ZFAT: variants seen among roughly 807,000 people sequenced by gnomAD.
The protein encoded by ZFAT is zinc finger and AT-hook domain containing, also known as zinc finger protein ZFAT.
ZFAT carries 64 observed loss-of-function variants against 117.7 expected under a neutral mutation model. That is an observed-to-expected ratio of 0.54 (90% CI 0.44 to 0.67). ZFAT has a LOEUF of 0.67. ZFAT is among the 30% of genes least tolerant of loss of function. The pLI is 0.00. For synonymous variants in ZFAT, 679 were observed against 615.0 expected (o/e 1.10, Z -1.54); for missense variants, 1,433 against 1,584.5 (o/e 0.90, Z 1.62).
At chr8:134,826,773 AC>A in the ZFAT span, among the ~76,000 whole-genome samples, 1 of 152,242 alleles carries the variant, frequency 6.6e-6, no homozygotes, top group African/African-American at 2.4e-5. Flanking sequence ...AATTGCAATA[AC>A]CTTTCTATTT....
In ZFAT at chr8:134,544,875, C is replaced by T. The variant is rs942590704; in HGVS notation, c.2977-11903G>A. The stretch of plus-strand genomic sequence containing the variant: ...ATGCGGCTGCAAACTGGTGCAACCA[C>T]TTTGGAAAACAGCTGAGCATCACCT... On this transcript the variant is annotated intron_variant, in intron 11 of 15. Transcript: ENST00000377838. Among the ~76,000 whole-genome samples, 5 of 152,182 alleles carry T rather than the reference C, an allele frequency of 3.3e-5. 1 individual carries two copies. In the South Asian group the frequency reaches 1.0e-3, roughly 32 times the overall value.
intron 3 of ZFAT, among the ~76,000 whole-genome samples, chr8:134,612,717 T>C (rs1563676206): frequency 2.0e-5 from 3 of 152,194 alleles, no homozygotes; most frequent in Non-Finnish European, 2.9e-5. Context: ...TATGGTAACA[T>C]TGAGCTAAAA....
At chr8:134,609,396 G>A (rs555943564) in intron 4 of ZFAT, among the ~76,000 whole-genome samples, 2 of 152,160 alleles carry the variant, frequency 1.3e-5, no homozygotes, top group South Asian at 4.2e-4. Flanking sequence ...TTGAAAATAG[G>A]AAATTCTCTT....
At chr8:134,776,042 T>C in the ZFAT span, among the ~76,000 whole-genome samples, 3 of 152,252 alleles carry the variant, frequency 2.0e-5, no homozygotes, top group Non-Finnish European at 4.4e-5. Context: ...ACCACTTGAA[T>C]AAAGCATTAT....
At chr8:134,592,225 G>T (rs1826563690) in intron 7 of ZFAT, among the ~76,000 whole-genome samples, 1 of 152,110 alleles carries the variant, frequency 6.6e-6, no homozygotes, top group South Asian at 2.1e-4. Context: ...TCCTCACTGT[G>T]CTCCCCACCG....
chr8:134,705,723 G>A (rs1167308810), intron 1 of ZFAT, among the ~76,000 whole-genome samples: 1 of 150,034 alleles, frequency 6.7e-6, no homozygotes, highest in Non-Finnish European at 1.5e-5. Flanking sequence ...AGTTTCAGTA[G>A]AGACAGGGTT....
intron 15 of ZFAT, among the ~76,000 whole-genome samples, chr8:134,502,364 C>T (rs141852993): frequency 2.4e-4 from 36 of 152,328 alleles, no homozygotes; most frequent in African/African-American, 7.5e-4. Context: ...AATTAAAACA[C>T]GACAGATTGG....
At chr8:134,616,813 G>T (rs545123743) in intron 3 of ZFAT, among the ~76,000 whole-genome samples, 1 of 152,278 alleles carries the variant, frequency 6.6e-6, no homozygotes, top group African/African-American at 2.4e-5. Context: ...TCCGGAGTCA[G>T]AGAGGCTGGG....
At chr8:134,654,327 GA>G (rs976783637) in intron 2 of ZFAT, among the ~76,000 whole-genome samples, 3 of 151,920 alleles carry the variant, frequency 2.0e-5, no homozygotes, top group African/African-American at 7.3e-5. Context: ...CTTATAATTG[GA>G]AAAAAAAGTA....
At chr8:134,707,757 C>T (rs567750444) in intron 1 of ZFAT, among the ~76,000 whole-genome samples, 3 of 152,368 alleles carry the variant, frequency 2.0e-5, no homozygotes, top group African/African-American at 7.2e-5. Flanking sequence ...CCCTACCCCA[C>T]CCATCCTGCC....
chr8:134,640,951 A>G lies in ZFAT; in HGVS notation c.197-3239T>C, dbSNP rs12679421. Among the ~76,000 whole-genome samples the G allele has an allele frequency of 9.4e-4, 143 of 152,174 alleles. 3 individuals carry two copies. In the East Asian group the frequency reaches 0.026, roughly 28 times the overall value. ...GCTTTAATTCCTCTTCCTCCCTCTG[A>G]ATTCCTTTATTTAATCTGTCACTAA... is the stretch of plus-strand genomic sequence containing the variant. On this transcript the variant is annotated intron_variant, in intron 2 of 15. Coordinates refer to ENST00000377838, the MANE Select transcript of ZFAT (RefSeq NM_020863.4).
At chr8:134,583,442 T>A (rs1036462576) in intron 10 of ZFAT, among the ~76,000 whole-genome samples, 13 of 152,204 alleles carry the variant, frequency 8.5e-5, no homozygotes, top group Admixed American at 8.5e-4. Flanking sequence ...GAGACTCACT[T>A]GAAAAATCAG....
At chr8:134,610,092 A>G (rs1828208166) in intron 4 of ZFAT, among the ~76,000 whole-genome samples, 1 of 152,190 alleles carries the variant, frequency 6.6e-6, no homozygotes, top group Non-Finnish European at 1.5e-5. Flanking sequence ...GTCTGGCTGA[A>G]TGGGCTGGCC....
At position 134,707,231 on chromosome 8, in the gene ZFAT, C is replaced by A. The variant is rs113434059; in HGVS notation, c.19+5614G>T. Among the ~76,000 whole-genome samples the A allele has an allele frequency of 1.5e-3, 229 of 152,300 alleles. 1 individual carries two copies. The highest frequency in any genetic ancestry group is 5.3e-3 in the African/African-American group (221 of 41,554). On this transcript the variant is annotated intron_variant, in intron 1 of 15. Coordinates refer to ENST00000377838, the MANE Select transcript of ZFAT (RefSeq NM_020863.4). ...CCCTGGGGCTGGGGTAGATGCACCCCCTCTGAAACCCTCAATACTCAAGGC... is the reference window on the plus strand; with the variant it reads ...CCCTGGGGCTGGGGTAGATGCACCCACTCTGAAACCCTCAATACTCAAGGC...
In ZFAT at chr8:134,578,527, T is replaced by C. The variant is rs993295809; in HGVS notation, c.2887+5305A>G. Among the ~76,000 whole-genome samples, 3 of 150,910 alleles carry C rather than the reference T, an allele frequency of 2.0e-5. No individual in the cohort carries two copies. In the South Asian group the frequency reaches 6.3e-4, roughly 32 times the overall value. On this transcript the variant is annotated intron_variant, in intron 10 of 15. Coordinates refer to ENST00000377838, the MANE Select transcript of ZFAT (RefSeq NM_020863.4). Reference sequence around the variant, plus strand: ...GGATCAAGCAGGTCATGGTGAGGAATTGGGCTTCCACTCAGAGTGACAGCA... The same window carrying C: ...GGATCAAGCAGGTCATGGTGAGGAACTGGGCTTCCACTCAGAGTGACAGCA...
intron 11 of ZFAT, among the ~76,000 whole-genome samples, chr8:134,553,163 T>C (rs563885557): frequency 6.6e-6 from 1 of 152,250 alleles, no homozygotes; most frequent in Non-Finnish European, 1.5e-5. Context: ...AGACATTCAC[T>C]GTTAGAAGGA....
intron 11 of ZFAT, among the ~76,000 whole-genome samples, chr8:134,547,484 C>T (rs1020474118): frequency 6.6e-6 from 1 of 152,202 alleles, no homozygotes; most frequent in Non-Finnish European, 1.5e-5. Context: ...TCCTCAGGAC[C>T]TGGCTCTGTA....
At chr8:134,514,046 T>C (rs548183764) in intron 13 of ZFAT, among the ~76,000 whole-genome samples, 1 of 152,342 alleles carries the variant, frequency 6.6e-6, no homozygotes. Context: ...GGGGAAAGCA[T>C]GTCATAGTTG....
At chr8:134,819,496 A>ACACCCCCCCCC in the ZFAT span, among the ~76,000 whole-genome samples, 1 of 39,334 alleles carries the variant, frequency 2.5e-5, no homozygotes. Flanking sequence ...CGGATTTACC[A>ACACCCCCCCCC]CCCCCCCCCC....
Sources: gnomAD v4.1 joint callset for allele counts (sites outside exome capture counted in the v4.1 genomes callset) on GRCh38, gnomAD v4.1.1 for gene constraint, MANE v1.5 for transcripts, NCBI Gene and HGNC (gene_info 2026-07-23, HGNC 2026-07-21) for gene names.